THADA: variants seen among roughly 807,000 people sequenced by gnomAD.
THADA encodes the protein tRNA (32-2'-O)-methyltransferase regulator THADA.
A neutral mutation model predicts 219.8 loss-of-function variants in THADA; 213 were observed. The observed-to-expected ratio is 0.97, with a 90% CI of 0.87 to 1.09. THADA has a LOEUF of 1.09. Ranked by LOEUF, THADA falls within the 50% of genes least tolerant of loss-of-function variation. The pLI is 0.00. For missense variants in THADA, 2,956 were observed against 2,311.3 expected, an observed-to-expected ratio of 1.28 and a Z score of -5.72; for synonymous variants, 1,018 against 828.9, an observed-to-expected ratio of 1.23 and a Z score of -3.92.
At chr2:43,388,763 A>G (rs1453340649) in intron 29 of THADA, among the ~76,000 whole-genome samples, 2 of 152,244 alleles carry the variant, frequency 1.3e-5, no homozygotes, top group African/African-American at 4.8e-5. Context: ...CATAAAGTCA[A>G]AATTGCTGAA....
At chr2:43,510,206 T>A (rs945803582) in intron 22 of THADA, among the ~76,000 whole-genome samples, 3 of 152,164 alleles carry the variant, frequency 2.0e-5, no homozygotes, top group African/African-American at 7.2e-5. Flanking sequence ...TACATAGGAA[T>A]AAAAATCACA....
intron 28 of THADA, among the ~76,000 whole-genome samples, chr2:43,423,167 AGT>A (rs1677942754): frequency 6.6e-6 from 1 of 151,658 alleles, no homozygotes; most frequent in Non-Finnish European, 1.5e-5. Context: ...TGTGTTTGTC[AGT>A]CCTATGCTTG....
chr2:43,470,255 A>G (rs572001647), intron 26 of THADA, among the ~76,000 whole-genome samples: 3 of 151,884 alleles, frequency 2.0e-5, no homozygotes, highest in Non-Finnish European at 4.4e-5. Context: ...GAAATCTGAC[A>G]ATATGTAAAT....
intron 36 of THADA, among the ~76,000 whole-genome samples, chr2:43,255,982 G>A (rs776111454): frequency 1.4e-4 from 22 of 152,182 alleles, no homozygotes; most frequent in Admixed American, 9.8e-4. Flanking sequence ...CAGACCATTA[G>A]GTGAACTATT....
At chr2:43,377,056 T>G (rs1671459525) in intron 29 of THADA, among the ~76,000 whole-genome samples, 1 of 152,170 alleles carries the variant, frequency 6.6e-6, no homozygotes. Context: ...CACGACCTAT[T>G]CTTGGGCAGA....
chr2:43,283,898 G>C (rs1390876918), intron 35 of THADA, among the ~76,000 whole-genome samples: 1 of 152,252 alleles, frequency 6.6e-6, no homozygotes, highest in Non-Finnish European at 1.5e-5. Context: ...AGGAGCCAAG[G>C]CTAGGTGCAG....
intron 28 of THADA, among the ~76,000 whole-genome samples, chr2:43,419,603 A>G (rs1329018648): frequency 1.3e-5 from 2 of 152,190 alleles, no homozygotes; most frequent in African/African-American, 4.8e-5. Context: ...AGAAAAAAAC[A>G]CATTTTTGAT....
intron 31 of THADA, among the ~76,000 whole-genome samples, chr2:43,314,816 G>A (rs368456042): frequency 1.3e-5 from 2 of 152,262 alleles, no homozygotes; most frequent in African/African-American, 4.8e-5. Context: ...AGAACACAGG[G>A]GACAGAGAGT....
At position 43,508,568 on chromosome 2, in the gene THADA, C is replaced by T. The variant is rs1293913815; in HGVS notation, c.3507+80G>A. On this transcript the variant is annotated intron_variant, in intron 23 of 37. Coordinates refer to ENST00000405975, the MANE Select transcript of THADA (RefSeq NM_022065.5). ...ATGTCCTTTATGTGTAATACGCTCA[C>T]TCACACGTCAAACAGGTTAGGATAC... is the stretch of plus-strand genomic sequence containing the variant. 2.2e-5 allele frequency: 31 copies of T among 1,419,206 alleles called. No homozygotes were observed. The East Asian group carries it at 4.4e-4, about 20-fold the overall frequency. 87.9% of individuals were successfully genotyped at this position (1,419,206 alleles called of 1,614,324 possible). A position where few individuals can be genotyped will look rare whatever the true frequency, so the allele number is the denominator to read the frequency against.
At chr2:43,515,274 TATA>T (rs1691483676) in intron 22 of THADA, among the ~76,000 whole-genome samples, 1 of 59,568 alleles carries the variant, frequency 1.7e-5, no homozygotes, top group Non-Finnish European at 3.1e-5. Flanking sequence ...ATATATAATA[TATA>T]ATATATTATA....
chr2:43,570,569 C>T (rs1417374951), intron 13 of THADA, 59 bp from the exon 14 acceptor site: 1 of 1,543,290 alleles, frequency 6.5e-7, no homozygotes, highest in African/African-American at 1.4e-5. Flanking sequence ...AAATGTCAGC[C>T]TGAGAGGCAA....
At chr2:43,485,646 G>T (rs6732766) in intron 25 of THADA, among the ~76,000 whole-genome samples, 19,838 of 151,852 alleles carry the variant, frequency 0.13, 1,666 homozygotes, top group African/African-American at 0.23. Context: ...TTTTCTATAT[G>T]CTTCCTGACA....
intron 36 of THADA, among the ~76,000 whole-genome samples, chr2:43,251,355 C>T (rs1460769592): frequency 6.6e-6 from 1 of 152,180 alleles, no homozygotes; most frequent in Non-Finnish European, 1.5e-5. Flanking sequence ...GGAGGCTATA[C>T]CCTGACATCA....
At chr2:43,399,272 G>T (rs1240325884) in intron 28 of THADA, among the ~76,000 whole-genome samples, 2 of 152,212 alleles carry the variant, frequency 1.3e-5, no homozygotes, top group Non-Finnish European at 2.9e-5. Flanking sequence ...GGTAGACTCT[G>T]TAGGGGAAAA....
At chr2:43,382,977 A>G (rs1049316073) in intron 29 of THADA, among the ~76,000 whole-genome samples, 2 of 152,232 alleles carry the variant, frequency 1.3e-5, no homozygotes, top group Non-Finnish European at 1.5e-5. Context: ...AGAAAATTTA[A>G]CAATAAAATC....
intron 36 of THADA, chr2:43,233,481 A>G (rs1291244630): frequency 6.6e-6 from 1 of 152,232 alleles, no homozygotes; most frequent in African/African-American, 2.4e-5. Flanking sequence ...GTGTCACAAA[A>G]TATTATTTTT....
chr2:43,309,720 A>C (rs1036699301), intron 31 of THADA, among the ~76,000 whole-genome samples: 3 of 152,226 alleles, frequency 2.0e-5, no homozygotes, highest in African/African-American at 7.2e-5. Context: ...GAATGCTTTA[A>C]GATCCCCTAG....
At chr2:43,367,476 G>A (rs918077598) in intron 29 of THADA, among the ~76,000 whole-genome samples, 4 of 152,144 alleles carry the variant, frequency 2.6e-5, no homozygotes, top group African/African-American at 9.7e-5. Context: ...AAAAAGCCTT[G>A]TGGGTGAACT....
In THADA at chr2:43,560,383, T is replaced by C. The variant is rs748503238; in HGVS notation, c.2314A>G (p.Arg772Gly). 2 of 1,522,482 alleles carry C rather than the reference T, an allele frequency of 1.3e-6. No homozygotes were observed. Among genetic ancestry groups the C allele is most frequent in the Non-Finnish European group, 1.8e-6 (2 of 1,136,000 alleles). The allele number at this position is 1,522,482 out of a possible 1,614,324, so 94.3% of individuals were successfully genotyped here. A position where few individuals can be genotyped will look rare whatever the true frequency, so the allele number is the denominator to read the frequency against. ...IAEVFHVPEG[R>G]IYTVYQLSHD... ...CTCAGCTGATATACTGTATAAATTC[T>C]GCCTAAAAATATTTTAAAAACAAAA... Residue 772 changes from arginine (R) to glycine (G), a missense_variant and splice_region_variant, in exon 16 of 38, where the codon AGA becomes GGA. By Grantham distance (125) the Arg-to-Gly change is moderately radical. Transcript: ENST00000405975.
Sources: allele counts gnomAD v4.1 joint callset (sites outside exome capture counted in the v4.1 genomes callset), GRCh38; gene constraint gnomAD v4.1.1; transcripts MANE v1.5; gene names NCBI Gene and HGNC (gene_info 2026-07-23, HGNC 2026-07-21).